HMGCLL1: variants seen among roughly 807,000 people sequenced by gnomAD.
The protein encoded by HMGCLL1 is 3-hydroxymethyl-3-methylglutaryl-CoA lyase, cytoplasmic.
A neutral mutation model predicts 39.1 loss-of-function variants in HMGCLL1; 36 were observed. That is an observed-to-expected ratio of 0.92 (90% CI 0.71 to 1.22). The LOEUF (loss-of-function observed/expected upper bound fraction) is 1.22, where lower values mean the gene tolerates loss of function less well. HMGCLL1 is among the 50% of genes most tolerant of loss of function. The pLI is 0.00. For missense variants in HMGCLL1, 451 were observed against 416.5 expected (o/e 1.08, Z -0.72); for synonymous variants, 149 against 144.0 (o/e 1.03, Z -0.25).
chr6:55,453,416 G>C (rs768995335), intron 7 of HMGCLL1, among the ~76,000 whole-genome samples: 82 of 152,090 alleles, frequency 5.4e-4, no homozygotes, highest in Non-Finnish European at 9.3e-4. Context: ...CCTGACCTCG[G>C]CCTCCCAAAG....
At chr6:55,664,056 A>T in the HMGCLL1 span, among the ~76,000 whole-genome samples, 1 of 151,634 alleles carries the variant, frequency 6.6e-6, no homozygotes, top group African/African-American at 2.4e-5. Context: ...TTTTGAGCTT[A>T]TGTGTGTCAT....
At chr6:55,647,252 G>A in the HMGCLL1 span, among the ~76,000 whole-genome samples, 1 of 151,748 alleles carries the variant, frequency 6.6e-6, no homozygotes, top group Non-Finnish European at 1.5e-5. Flanking sequence ...TGCACAGAAT[G>A]TCTTTTTTTA....
chr6:55,525,109 C>T (rs114567389), intron 3 of HMGCLL1, among the ~76,000 whole-genome samples: 2,208 of 151,926 alleles, frequency 0.015, 33 homozygotes, highest in Non-Finnish European at 0.025. Context: ...TCAAAGACAG[C>T]TCTGCCACTG....
chr6:55,598,835 A>G, the HMGCLL1 span, among the ~76,000 whole-genome samples: 102,229 of 152,090 alleles, frequency 0.67, 35,169 homozygotes, highest in East Asian at 0.9. Flanking sequence ...TGTAATGATT[A>G]CTATTATTTA....
chr6:55,549,124 C>A (rs540890369), intron 1 of HMGCLL1, among the ~76,000 whole-genome samples: 58 of 137,870 alleles, frequency 4.2e-4, no homozygotes, highest in African/African-American at 1.4e-3. Flanking sequence ...AAATAGCCAA[C>A]ATGACCTATA....
chr6:55,440,834 CTCTT>C (rs760354557), intron 7 of HMGCLL1, among the ~76,000 whole-genome samples: 6 of 152,152 alleles, frequency 3.9e-5, no homozygotes, highest in Non-Finnish European at 7.3e-5. Flanking sequence ...ATGTGGGAAT[CTCTT>C]TCTCCCTTCC....
At chr6:55,468,641 G>C (rs61662404) in intron 7 of HMGCLL1, among the ~76,000 whole-genome samples, 7,748 of 151,944 alleles carry the variant, frequency 0.051, 226 homozygotes, top group African/African-American at 0.063. Flanking sequence ...CATCACAACA[G>C]CTCACAAGTA....
chr6:55,477,330 TATAATATATATTATATTTAG>T lies in HMGCLL1; in HGVS notation c.795+18069_795+18088del, dbSNP rs1431143961. Among the ~76,000 whole-genome samples the T allele has an allele frequency of 2.6e-3, 66 of 25,110 alleles. 8 individuals carry two copies. Among genetic ancestry groups the T allele is most frequent in the African/African-American group, 9.7e-3 (63 of 6,496 alleles). The allele number at this position is 25,110 out of a possible 152,430, so 16.5% of individuals were successfully genotyped here. ...TATATATATAATATATATTATATTA[TATAATATATATTATATTTAG>T]ATAATATATATTATATTAATATAAT... is the stretch of plus-strand genomic sequence containing the variant. On this transcript the variant is annotated intron_variant, in intron 7 of 8. Transcript: ENST00000274901.
the HMGCLL1 span, among the ~76,000 whole-genome samples, chr6:55,676,885 G>T: frequency 2.0e-5 from 3 of 152,182 alleles, no homozygotes; most frequent in South Asian, 4.1e-4. Flanking sequence ...TCCCGCATGC[G>T]GGGAAAAATA....
chr6:55,581,216 G>A (rs149412211), upstream of HMGCLL1, among the ~76,000 whole-genome samples: 477 of 152,050 alleles, frequency 3.1e-3, 2 homozygotes, highest in African/African-American at 0.011. Flanking sequence ...TTGCTTAATC[G>A]TTTTCTAAAT....
At chr6:55,505,532 A>T (rs900849635) in intron 5 of HMGCLL1, among the ~76,000 whole-genome samples, 1 of 151,806 alleles carries the variant, frequency 6.6e-6, no homozygotes, top group African/African-American at 2.4e-5. Context: ...TGTGGATAAC[A>T]TAAAAATTAA....
chr6:55,453,544 C>G (rs1369599497), intron 7 of HMGCLL1, among the ~76,000 whole-genome samples: 1 of 152,092 alleles, frequency 6.6e-6, no homozygotes, highest in Non-Finnish European at 1.5e-5. Context: ...AAGCCCTGTG[C>G]CTTGCTATAG....
intron 5 of HMGCLL1, chr6:55,513,780 T>A: frequency 2.2e-6 from 1 of 464,488 alleles, no homozygotes; most frequent in Non-Finnish European, 3.7e-6. Context: ...GGTGCTAGAG[T>A]GTTAATAAAA....
chr6:55,475,341 G>A (rs927284044), intron 7 of HMGCLL1, among the ~76,000 whole-genome samples: 1 of 151,366 alleles, frequency 6.6e-6, no homozygotes, highest in Non-Finnish European at 1.5e-5. Context: ...CAAAATTAGC[G>A]ACCCCCTTAA....
At chr6:55,533,069 C>T (rs890737119) in intron 3 of HMGCLL1, among the ~76,000 whole-genome samples, 3 of 151,166 alleles carry the variant, frequency 2.0e-5, no homozygotes, top group Admixed American at 6.6e-5. Flanking sequence ...ATTAGTAGCC[C>T]CCACTCTTAA....
chr6:55,540,961 G>C (rs887747528), intron 3 of HMGCLL1, among the ~76,000 whole-genome samples: 1 of 152,070 alleles, frequency 6.6e-6, no homozygotes, highest in African/African-American at 2.4e-5. Context: ...AAGAGCAATT[G>C]GGGAAATAAC....
the HMGCLL1 span, among the ~76,000 whole-genome samples, chr6:55,592,217 G>C: frequency 2.0e-5 from 3 of 151,962 alleles, no homozygotes; most frequent in African/African-American, 7.2e-5. Flanking sequence ...CATTCCTCTA[G>C]TGTCTTTTAT....
intron 7 of HMGCLL1, among the ~76,000 whole-genome samples, chr6:55,442,416 G>C (rs1297250025): frequency 6.6e-6 from 1 of 152,010 alleles, no homozygotes; most frequent in Admixed American, 6.6e-5. Flanking sequence ...GTCTTTTGTT[G>C]CTCAAACTGT....
the HMGCLL1 span, among the ~76,000 whole-genome samples, chr6:55,600,589 C>A: frequency 6.6e-6 from 1 of 152,012 alleles, no homozygotes; most frequent in African/African-American, 2.4e-5. Context: ...TTGTTGAAGA[C>A]AACAATGTTC....
Sources: allele counts gnomAD v4.1 joint callset (sites outside exome capture counted in the v4.1 genomes callset), GRCh38; gene constraint gnomAD v4.1.1; transcripts MANE v1.5; gene names NCBI Gene and HGNC (gene_info 2026-07-23, HGNC 2026-07-21).